PCDHA1: variants seen among roughly 807,000 people sequenced by gnomAD.
PCDHA1 encodes protocadherin alpha 1.
Under a neutral mutation model 61.3 loss-of-function variants are expected in PCDHA1, and 42 were observed. The observed-to-expected ratio is 0.69, with a 90% confidence interval of 0.54 to 0.89. The LOEUF is 0.89. Among genes scored for constraint, PCDHA1 ranks in the 40% least tolerant of loss-of-function variants. The pLI is 0.00. For missense variants in PCDHA1, 1,256 were observed against 1,235.3 expected (o/e 1.02, Z -0.25); for synonymous variants, 610 against 553.8 (o/e 1.10, Z -1.43).
At chr5:140,929,217 C>T (rs1183459158) in intron 1 of PCDHA1, 1 of 1,614,016 alleles carries the variant, frequency 6.2e-7, no homozygotes, top group Non-Finnish European at 8.5e-7. Flanking sequence ...GTGGGGAGTA[C>T]AATGCTGCCG....
intron 1 of PCDHA1, among the ~76,000 whole-genome samples, chr5:140,971,061 G>A (rs2096454888): frequency 6.6e-6 from 1 of 152,154 alleles, no homozygotes; most frequent in Non-Finnish European, 1.5e-5. Context: ...TTTAAATAAG[G>A]TTGCTGTAGA....
chr5:140,868,981 G>T, intron 1 of PCDHA1: 1 of 1,492,270 alleles, frequency 6.7e-7, no homozygotes, highest in Non-Finnish European at 9.0e-7. Context: ...CATCATACCG[G>T]ATGCCACCGT....
intron 1 of PCDHA1, among the ~76,000 whole-genome samples, chr5:140,831,516 C>T (rs572603415): frequency 1.5e-5 from 2 of 130,466 alleles, no homozygotes; most frequent in African/African-American, 3.2e-5. Context: ...ACCATGCCCC[C>T]CACCTTTTTT....
At chr5:140,808,973 G>C (rs782400718) in intron 1 of PCDHA1, 3 of 1,613,674 alleles carry the variant, frequency 1.9e-6, no homozygotes, top group East Asian at 2.2e-5. Flanking sequence ...AAAGGTGCGC[G>C]CGGTGGATGC....
intron 1 of PCDHA1, among the ~76,000 whole-genome samples, chr5:140,922,066 C>A (rs1438475640): frequency 2.0e-5 from 3 of 151,528 alleles, no homozygotes; most frequent in Non-Finnish European, 4.4e-5. Context: ...TGTAGCAATC[C>A]CACTAAGCAA....
intron 1 of PCDHA1, chr5:140,854,159 CAA>C (rs59855104): frequency 4.1e-3 from 1,382 of 339,958 alleles, no homozygotes; most frequent in Non-Finnish European, 4.7e-3. Flanking sequence ...GATTCTGTCT[CAA>C]AAAAAAAAAA....
intron 1 of PCDHA1, chr5:140,802,669 C>G (rs782733330): frequency 1.2e-6 from 2 of 1,613,450 alleles, no homozygotes; most frequent in Admixed American, 3.3e-5. Flanking sequence ...GCCCTGGTGT[C>G]CTACTCGCTG....
chr5:140,829,798 G>A, intron 1 of PCDHA1: 1 of 1,613,874 alleles, frequency 6.2e-7, no homozygotes, highest in Non-Finnish European at 8.5e-7. Flanking sequence ...TGGCGCCTCG[G>A]GTGGGTGGTA....
intron 1 of PCDHA1, chr5:140,822,167 G>C (rs1554128482): frequency 6.2e-7 from 1 of 1,614,252 alleles, no homozygotes; most frequent in Non-Finnish European, 8.5e-7. Context: ...AATCCGCCCA[G>C]GTTCTCCAGA....
rs146713367 is a variant in PCDHA1 at position 140,788,198 on chromosome 5, C to T, written c.1908C>T (p.Val636=). 29 of 1,614,072 alleles carry T rather than the reference C, an allele frequency of 1.8e-5. No individual in the cohort carries two copies. The highest frequency in any genetic ancestry group is 2.4e-5 in the Non-Finnish European group (28 of 1,179,948). ...LYTGEISTTR[V]LDEADLSRYR... ...CGGGCGAGATCAGCACGACTCGTGT[C>T]CTGGACGAGGCTGACTTGTCGCGCT... is the stretch of plus-strand genomic sequence containing the variant. The change falls in exon 1 of 4, where the codon GTC becomes GTT. Residue 636 remains valine, a synonymous_variant. Coordinates refer to ENST00000504120, the MANE Select transcript of PCDHA1 (RefSeq NM_018900.4).
At chr5:140,988,467 A>T (rs1245281936) in intron 3 of PCDHA1, among the ~76,000 whole-genome samples, 12 of 152,242 alleles carry the variant, frequency 7.9e-5, no homozygotes, top group African/African-American at 2.4e-4. Flanking sequence ...AGGGTGTGGG[A>T]AGGGGAATTA....
intron 1 of PCDHA1, chr5:140,876,810 C>T (rs782009058): frequency 1.9e-6 from 3 of 1,614,154 alleles, no homozygotes; most frequent in East Asian, 2.2e-5. Flanking sequence ...TGGAGGTGGC[C>T]GACGTGAACG....
chr5:140,786,294 G>A lies in PCDHA1; in HGVS notation c.4G>A (p.Val2Met), dbSNP rs781785212. 6 of 1,599,894 alleles carry A rather than the reference G, an allele frequency of 3.8e-6. No individual in the cohort carries two copies. Among genetic ancestry groups the A allele is most frequent in the Non-Finnish European group, 5.1e-6 (6 of 1,173,458 alleles). MVFSRRGGLGAR... is the reference protein window; with the variant it reads MMFSRRGGLGAR... ...AGAAAGGTGTAGTCCTTTTGCAATG[G>A]TGTTTTCTAGGAGAGGGGGCCTGGG... Residue 2 changes from valine (V) to methionine (M), a missense_variant, in exon 1 of 4, where the codon GTG (valine) becomes ATG (methionine). Val to Met is a conservative substitution (Grantham distance 21). Coordinates refer to ENST00000504120, the MANE Select transcript of PCDHA1 (RefSeq NM_018900.4).
intron 1 of PCDHA1, among the ~76,000 whole-genome samples, chr5:140,798,962 T>C (rs1762381225): frequency 6.6e-6 from 1 of 152,232 alleles, no homozygotes; most frequent in Non-Finnish European, 1.5e-5. Context: ...TTTAGCCATT[T>C]CATAGTTAGG....
intron 1 of PCDHA1, among the ~76,000 whole-genome samples, chr5:140,961,205 T>A (rs1215243152): frequency 1.3e-5 from 2 of 152,172 alleles, no homozygotes; most frequent in African/African-American, 4.8e-5. Context: ...GAGGTTGGTA[T>A]TGATGAAGAA....
chr5:140,853,934 C>T (rs2042914376), intron 1 of PCDHA1: 1 of 864,500 alleles, frequency 1.2e-6, no homozygotes, highest in South Asian at 5.2e-5. Context: ...TTTGGGAGGC[C>T]AAGGTGGGAG....
rs1432182351 is a variant in PCDHA1 at position 140,843,140 on chromosome 5, C to T, written c.2394+54456C>T. 4 of 1,596,022 alleles carry T rather than the reference C, an allele frequency of 2.5e-6. No homozygotes were observed. The East Asian group carries it at 8.9e-5, about 36-fold the overall frequency. On this transcript the variant is annotated intron_variant, in intron 1 of 3. Transcript: ENST00000504120. The stretch of plus-strand genomic sequence containing the variant: ...CGCCGACTCGGGCTACAACGCGTGG[C>T]TTTCGTATGAGCTGCAGCCAGCTGC...
intron 1 of PCDHA1, among the ~76,000 whole-genome samples, chr5:140,924,441 G>A (rs144532137): frequency 1.3e-5 from 2 of 152,274 alleles, no homozygotes; most frequent in African/African-American, 4.8e-5. Context: ...AAGAGATAAC[G>A]AATGGGTTTG....
intron 1 of PCDHA1, among the ~76,000 whole-genome samples, chr5:140,948,785 G>T (rs2094304738): frequency 6.6e-6 from 1 of 151,242 alleles, no homozygotes; most frequent in South Asian, 2.1e-4. Flanking sequence ...TTTTGGCTTT[G>T]TTGATATATT....
Sources: allele counts gnomAD v4.1 joint callset (sites outside exome capture counted in the v4.1 genomes callset), GRCh38; gene constraint gnomAD v4.1.1; transcripts MANE v1.5; gene names NCBI Gene and HGNC (gene_info 2026-07-23, HGNC 2026-07-21).